The following MED12L variants were observed in gnomAD, a reference collection of about 807,000 sequenced individuals.
MED12L encodes the protein mediator complex subunit 12L, also known as mediator of RNA polymerase II transcription subunit 12-like protein.
Under a neutral mutation model 281.3 loss-of-function variants are expected in MED12L, and 60 were observed. The observed-to-expected ratio is 0.21, with a 90% CI of 0.17 to 0.26. MED12L has a LOEUF of 0.26. MED12L is among the 10% of genes least tolerant of loss of function. The pLI, the probability that MED12L is intolerant of heterozygous loss-of-function variation, is 1.00. For missense variants in MED12L, 2,146 were observed against 2,680.9 expected (o/e 0.80, Z 4.41); for synonymous variants, 974 against 987.2 (o/e 0.99, Z 0.25).
At chr3:151,181,239 G>T (rs1158289471) in intron 11 of MED12L, among the ~76,000 whole-genome samples, 1 of 151,890 alleles carries the variant, frequency 6.6e-6, no homozygotes, top group Non-Finnish European at 1.5e-5. Context: ...TTAAAATTTG[G>T]AATATATGCA....
chr3:151,400,580 A>G (rs1359201702), intron 39 of MED12L, among the ~76,000 whole-genome samples: 1 of 152,222 alleles, frequency 6.6e-6, no homozygotes, highest in Non-Finnish European at 1.5e-5. Flanking sequence ...TATCCAAATC[A>G]AGGAAATAGG....
Position 151,264,755 on chromosome 3 carries a change from C to A in MED12L, c.2250+71089C>A, listed in dbSNP as rs144941128. On this transcript the variant is annotated intron_variant, in intron 16 of 44. Coordinates refer to ENST00000687756, the MANE Select transcript of MED12L (RefSeq NM_001393769.1). ...AAGTCTTGCTACTCCCTTGCTCAGG[C>A]CCACCCAGTGCGTGTGTGTGTATGT... 5.0e-3 allele frequency among the ~76,000 whole-genome samples: 766 copies of A among 152,244 alleles called. 12 individuals are homozygous for A. Among genetic ancestry groups the A allele is most frequent in the African/African-American group, 0.017 (714 of 41,546 alleles).
Position 151,435,058 on chromosome 3 carries a change from GTTTC to G in MED12L, c.*2258_*2261del, listed in dbSNP as rs1229810897. ...CCCTGTTAATTCTGTATCTTGAGAG[GTTTC>G]TTTTTTTTTTTTTTTTTTTTCTTTT... On this transcript the variant is annotated 3_prime_UTR_variant, in exon 45 of 45. Transcript: ENST00000687756. The G allele has an allele frequency of 4.8e-5, 6 of 124,588 alleles. No individual in the cohort carries two copies. Among genetic ancestry groups the G allele is most frequent in the Non-Finnish European group, 9.8e-5 (6 of 61,148 alleles). The allele number at this position is 124,588 out of a possible 1,614,324, so 7.7% of individuals were successfully genotyped here. A position where few individuals can be genotyped will look rare whatever the true frequency, so the allele number is the denominator to read the frequency against.
At chr3:151,299,227 A>G (rs1249269269) in intron 16 of MED12L, among the ~76,000 whole-genome samples, 3 of 152,170 alleles carry the variant, frequency 2.0e-5, no homozygotes, top group South Asian at 2.1e-4. Flanking sequence ...GTCTCAACAT[A>G]TGTCACTGCT....
intron 2 of MED12L, among the ~76,000 whole-genome samples, chr3:151,094,495 C>T (rs929846810): frequency 1.3e-5 from 2 of 152,124 alleles, no homozygotes; most frequent in Non-Finnish European, 2.9e-5. Context: ...CTACGTATTC[C>T]TCCCCAAAAA....
At chr3:151,395,242 ATTATTTTTAGACT>A (rs1199051496) in intron 39 of MED12L, among the ~76,000 whole-genome samples, 1 of 152,036 alleles carries the variant, frequency 6.6e-6, no homozygotes, top group Admixed American at 6.6e-5. Context: ...GTGTTCATGT[ATTATTTTTAGACT>A]TATTACTGTG....
chr3:151,311,118 C>T (rs544168002), intron 16 of MED12L, among the ~76,000 whole-genome samples: 6 of 152,210 alleles, frequency 3.9e-5, no homozygotes, highest in South Asian at 2.1e-4. Flanking sequence ...TTGTTTAGTG[C>T]CTGTCTTATT....
intron 39 of MED12L, among the ~76,000 whole-genome samples, chr3:151,408,386 A>G (rs1233098280): frequency 1.3e-5 from 2 of 152,240 alleles, no homozygotes; most frequent in African/African-American, 2.4e-5. Flanking sequence ...TTATGTAACT[A>G]TAATTTAGCA....
intron 18 of MED12L, 41 bp downstream of exon 18, chr3:151,355,280 TA>T (rs764832410): frequency 1.3e-5 from 19 of 1,414,826 alleles, no homozygotes; most frequent in Non-Finnish European, 1.8e-5. Context: ...TGCAGTATTC[TA>T]ATTTACTTAA....
At chr3:151,086,131 C>T (rs1297734450) in intron 1 of MED12L, among the ~76,000 whole-genome samples, 195 bp downstream of exon 1, 1 of 152,212 alleles carries the variant, frequency 6.6e-6, no homozygotes, top group East Asian at 1.9e-4. Context: ...TGAGCACGGC[C>T]CCCTCCAGCC....
At chr3:151,253,447 C>A (rs973941358) in intron 16 of MED12L, among the ~76,000 whole-genome samples, 5 of 152,302 alleles carry the variant, frequency 3.3e-5, no homozygotes, top group African/African-American at 1.2e-4. Flanking sequence ...CCTCCTCTGG[C>A]CTTTGTTGGG....
rs1174421676 is a variant in MED12L, at chr3:151,367,718, C to T, written c.3400C>T (p.Leu1134=). The change falls in exon 24 of 45, where the codon CTG becomes TTG. Residue 1134 remains leucine, a synonymous_variant. Transcript: ENST00000687756. ...AILIARQCFS[L]EDVVQHVALP... ...TCTGATAGCACGACAGTGTTTTTCC[C>T]TGGAGGACGTCGTGCAGCATGTCGC... The T allele has an allele frequency of 1.2e-6, 2 of 1,611,300 alleles. No individual in the cohort carries two copies. Among genetic ancestry groups the T allele is most frequent in the African/African-American group, 2.7e-5 (2 of 74,756 alleles).
chr3:151,113,238 A>C (rs751670418), intron 2 of MED12L, among the ~76,000 whole-genome samples: 1 of 152,184 alleles, frequency 6.6e-6, no homozygotes, highest in Non-Finnish European at 1.5e-5. Flanking sequence ...ACCAGGAAAA[A>C]GAGCAGTCTA....
In MED12L at chr3:151,365,143, A is replaced by G. The variant is rs753931596; in HGVS notation, c.3122A>G (p.Asn1041Ser). 48 of 1,614,102 alleles carry G rather than the reference A, an allele frequency of 3.0e-5. No individual in the cohort carries two copies. In the Admixed American group the frequency reaches 4.0e-4, roughly 13 times the overall value. ...LGKILSDNAA[N>S]RYSFVCNTLM... ...AAGATCCTCAGTGACAATGCGGCCA[A>G]TCGCTACAGCTTTGTCTGCAATACA... The change falls in exon 22 of 45, where the codon AAT becomes AGT. Residue 1041 changes from asparagine to serine, a missense_variant. Around this residue, in one of 9 missense-constraint regions of MED12L, gnomAD observed 404 missense variants for 603.5 expected, o/e 0.67. Transcript: ENST00000687756.
At chr3:151,161,423 T>A (rs1018886444) in intron 8 of MED12L, among the ~76,000 whole-genome samples, 5 of 152,010 alleles carry the variant, frequency 3.3e-5, no homozygotes, top group African/African-American at 1.2e-4. Flanking sequence ...AATTTTGTAG[T>A]GAGAGAGAAT....
At chr3:151,421,056 A>G (rs554089232) in intron 43 of MED12L, among the ~76,000 whole-genome samples, 1 of 152,286 alleles carries the variant, frequency 6.6e-6, no homozygotes, top group East Asian at 1.9e-4. Flanking sequence ...TTGGGCACTC[A>G]GTGGTGGCCG....
rs772078334 is a variant in MED12L, at chr3:151,385,017, C to G, written c.4927-13C>G. 1 of 1,324,544 alleles carries G rather than the reference C, an allele frequency of 7.5e-7. No homozygotes were observed. Among genetic ancestry groups the G allele is most frequent in the East Asian group, 2.3e-5 (1 of 42,868 alleles). 82.0% of individuals were successfully genotyped at this position (1,324,544 alleles called of 1,614,324 possible). On this transcript the variant is annotated splice_polypyrimidine_tract_variant and intron_variant, in intron 35 of 44. Transcript: ENST00000687756. Reference sequence around the variant, plus strand: ...CCCACTTCTCACTCTCTCTCTCTCTCTTTTTTCTTTAGAAAGAGCTAGGAG... The same window carrying G: ...CCCACTTCTCACTCTCTCTCTCTCTGTTTTTTCTTTAGAAAGAGCTAGGAG...
intron 26 of MED12L, among the ~76,000 whole-genome samples, chr3:151,370,218 T>A (rs7646193): frequency 1.3e-5 from 2 of 152,194 alleles, no homozygotes; most frequent in African/African-American, 4.8e-5. Flanking sequence ...AACATTATTC[T>A]GTAAATCTTA....
chr3:151,201,337 C>T (rs1304669372), intron 16 of MED12L, among the ~76,000 whole-genome samples: 1 of 152,090 alleles, frequency 6.6e-6, no homozygotes, highest in African/African-American at 2.4e-5. Context: ...TTCTCTCTAC[C>T]ATCTCTACTT....
Sources: allele counts gnomAD v4.1 joint callset (sites outside exome capture counted in the v4.1 genomes callset), GRCh38; gene constraint gnomAD v4.1.1; regional missense constraint gnomAD v4.1.1; transcripts MANE v1.5; gene names NCBI Gene and HGNC (gene_info 2026-07-23, HGNC 2026-07-21).